ROBO2: variants seen among roughly 807,000 people sequenced by gnomAD.
ROBO2 encodes the protein roundabout guidance receptor 2.
ROBO2 carries 53 observed loss-of-function variants against 160.8 expected under a neutral mutation model. That is an observed-to-expected ratio of 0.33 (90% CI 0.26 to 0.41). The LOEUF (loss-of-function observed/expected upper bound fraction) is 0.41, where lower values mean the gene tolerates loss of function less well. ROBO2 is among the 10% of genes least tolerant of loss of function. ROBO2 has a pLI of 1.00. For synonymous variants in ROBO2, 664 were observed against 611.7 expected, an observed-to-expected ratio of 1.09 and a Z score of -1.26; for missense variants, 1,577 against 1,722.4, an observed-to-expected ratio of 0.92 and a Z score of 1.49.
chr3:76,114,667 T>C (rs2070382120), intron 2 of ROBO2, among the ~76,000 whole-genome samples: 1 of 152,116 alleles, frequency 6.6e-6, no homozygotes, highest in Admixed American at 6.6e-5. Context: ...TTAAGACTCA[T>C]ATACATCAGA....
intron 2 of ROBO2, among the ~76,000 whole-genome samples, chr3:76,929,041 C>T (rs891992530): frequency 6.6e-6 from 1 of 152,120 alleles, no homozygotes; most frequent in African/African-American, 2.4e-5. Context: ...GGGTGAATCA[C>T]CTGAGGTCAG....
chr3:76,146,903 TACAC>T (rs750245915), intron 2 of ROBO2, among the ~76,000 whole-genome samples: 6 of 145,782 alleles, frequency 4.1e-5, no homozygotes, highest in African/African-American at 7.5e-5. Context: ...CACACACACA[TACAC>T]ACACACACAC....
chr3:76,187,121 G>A (rs1159379450), intron 2 of ROBO2, among the ~76,000 whole-genome samples: 1 of 151,758 alleles, frequency 6.6e-6, no homozygotes, highest in Non-Finnish European at 1.5e-5. Context: ...TTGTGCTGAA[G>A]TTTTCCACAC....
At chr3:76,304,428 T>G (rs575245280) in intron 2 of ROBO2, among the ~76,000 whole-genome samples, 14 of 152,334 alleles carry the variant, frequency 9.2e-5, no homozygotes, top group African/African-American at 3.4e-4. Flanking sequence ...AAACTACATA[T>G]GTATCTATAT....
chr3:77,107,833 TA>T (rs2073014136), intron 2 of ROBO2, among the ~76,000 whole-genome samples: 5 of 152,200 alleles, frequency 3.3e-5, no homozygotes, highest in Admixed American at 3.3e-4. Flanking sequence ...GATTTTGGAA[TA>T]AACGTTACAG....
At position 77,434,249 on chromosome 3, in the gene ROBO2, C is replaced by G. The variant is rs555996418; in HGVS notation, c.389-43165C>G. 8.0e-4 allele frequency among the ~76,000 whole-genome samples: 121 copies of G among 152,168 alleles called. 1 individual carries two copies. The highest frequency in any genetic ancestry group is 1.3e-3 in the Non-Finnish European group (90 of 68,006). On this transcript the variant is annotated intron_variant, in intron 2 of 25. Transcript: ENST00000461745. Reference sequence around the variant, plus strand: ...GCCTAGATAACCCCTGAATATCTTTCTCAGCAGAACTTACCTCATATCCTT... The same window carrying G: ...GCCTAGATAACCCCTGAATATCTTTGTCAGCAGAACTTACCTCATATCCTT...
chr3:77,045,822 A>C (rs1237629026), intron 1 of ROBO2, among the ~76,000 whole-genome samples: 1 of 152,190 alleles, frequency 6.6e-6, no homozygotes, highest in Non-Finnish European at 1.5e-5. Flanking sequence ...GCCTCTGTGG[A>C]TTTGTCTTTT....
chr3:76,456,991 C>T (rs2077795816), intron 2 of ROBO2, among the ~76,000 whole-genome samples: 1 of 152,140 alleles, frequency 6.6e-6, no homozygotes, highest in Admixed American at 6.5e-5. Context: ...CCTCCCATAA[C>T]ATGTGAGAAT....
chr3:77,113,171 TCATTTGTAACATG>T (rs1359942880), intron 2 of ROBO2, among the ~76,000 whole-genome samples: 11 of 152,202 alleles, frequency 7.2e-5, no homozygotes, highest in Non-Finnish European at 1.6e-4. Context: ...GACCAACCCC[TCATTTGTAACATG>T]TAATTCCCCA....
At chr3:76,343,221 T>C (rs2074334027) in intron 2 of ROBO2, among the ~76,000 whole-genome samples, 1 of 152,108 alleles carries the variant, frequency 6.6e-6, no homozygotes, top group Admixed American at 6.6e-5. Context: ...AAATAATCTC[T>C]ATTAGTACTC....
intron 24 of ROBO2, among the ~76,000 whole-genome samples, chr3:77,636,821 A>G (rs2095271847): frequency 1.3e-5 from 2 of 152,214 alleles, no homozygotes; most frequent in South Asian, 4.1e-4. Context: ...TCCATGTTCG[A>G]TAATGAGTAT....
intron 2 of ROBO2, chr3:76,434,322 T>A: frequency 8.7e-7 from 1 of 1,151,522 alleles, no homozygotes; most frequent in South Asian, 1.2e-5. Flanking sequence ...GGCACCCATC[T>A]CAGAGCAGAT....
At chr3:77,132,432 A>G (rs2150360620) in intron 2 of ROBO2, among the ~76,000 whole-genome samples, 1 of 152,132 alleles carries the variant, frequency 6.6e-6, no homozygotes, top group South Asian at 2.1e-4. Flanking sequence ...TAAATTTATC[A>G]TTAAACTAGC....
In ROBO2 at chr3:77,459,875, A is replaced by G. The variant is rs958124325; in HGVS notation, c.389-17539A>G. Among the ~76,000 whole-genome samples, 4 of 141,856 alleles carry G rather than the reference A, an allele frequency of 2.8e-5. No individual in the cohort carries two copies. The Admixed American group carries it at 2.9e-4, about 10-fold the overall frequency. 93.1% of individuals were successfully genotyped at this position (141,856 alleles called of 152,430 possible). On this transcript the variant is annotated intron_variant, in intron 2 of 25. Transcript: ENST00000461745. ...GGTAGATACTACGAGATGAGAGGTCATATCTCTTGAACCTTGTAGGCCAGG... is the reference window on the plus strand; with the variant it reads ...GGTAGATACTACGAGATGAGAGGTCGTATCTCTTGAACCTTGTAGGCCAGG...
intron 2 of ROBO2, among the ~76,000 whole-genome samples, chr3:76,040,959 A>C (rs2067254726): frequency 6.6e-6 from 1 of 152,050 alleles, no homozygotes. Flanking sequence ...ACTGCTCTTC[A>C]GCCTGGGTGA....
chr3:77,044,477 C>A (rs980857452), intron 1 of ROBO2, among the ~76,000 whole-genome samples: 2 of 151,770 alleles, frequency 1.3e-5, no homozygotes, highest in Admixed American at 6.6e-5. Flanking sequence ...TCCTTTTTTT[C>A]CTCCTTCTCC....
intron 14 of ROBO2, among the ~76,000 whole-genome samples, chr3:77,576,993 C>A (rs1433178261): frequency 2.6e-5 from 4 of 152,082 alleles, no homozygotes; most frequent in Non-Finnish European, 5.9e-5. Flanking sequence ...TGGAATATGT[C>A]TTCTCAGAAT....
At chr3:76,702,403 G>A (rs2093063964) in intron 2 of ROBO2, among the ~76,000 whole-genome samples, 1 of 152,076 alleles carries the variant, frequency 6.6e-6, no homozygotes, top group East Asian at 1.9e-4. Flanking sequence ...TAATTCCAGT[G>A]CTGTGAAAAC....
chr3:76,236,581 A>C (rs904190687), intron 2 of ROBO2, among the ~76,000 whole-genome samples: 1 of 152,182 alleles, frequency 6.6e-6, no homozygotes, highest in Non-Finnish European at 1.5e-5. Context: ...GTAGATTATT[A>C]GTGCTGCTTC....
Sources: gnomAD v4.1 joint callset for allele counts (sites outside exome capture counted in the v4.1 genomes callset) on GRCh38, gnomAD v4.1.1 for gene constraint, MANE v1.5 for transcripts, NCBI Gene and HGNC (gene_info 2026-07-23, HGNC 2026-07-21) for gene names.